The following ARHGAP6 variants were observed in gnomAD, a reference collection of about 807,000 sequenced individuals.
ARHGAP6 encodes Rho GTPase activating protein 6, also known as rho GTPase-activating protein 6.
Under a neutral mutation model 55.7 loss-of-function variants are expected in ARHGAP6, and 16 were observed. The ratio of observed to expected loss-of-function variants is 0.29; its 90% CI spans 0.19 to 0.44. The LOEUF (loss-of-function observed/expected upper bound fraction) is 0.44. ARHGAP6 is among the 20% of genes least tolerant of loss of function. The pLI is 1.00. For synonymous variants in ARHGAP6, 382 were observed against 360.9 expected (o/e 1.06, Z -0.66); for missense variants, 698 against 808.9 (o/e 0.86, Z 1.66).
intron 1 of ARHGAP6, among the ~76,000 whole-genome samples, chrX:11,498,224 T>C (rs915253880): frequency 9.0e-6 from 1 of 111,721 alleles, no homozygotes; most frequent in Non-Finnish European, 1.9e-5. Context: ...TATGAGAATT[T>C]CCCTAGAGTA....
chrX:11,304,563 G>A (rs191253833), intron 1 of ARHGAP6, among the ~76,000 whole-genome samples: 2 of 109,580 alleles, frequency 1.8e-5, no homozygotes, highest in Admixed American at 2.0e-4. Context: ...GAGGGTAACA[G>A]GAGAGCAACA....
At chrX:11,364,955 A>C (rs1354902692) in intron 1 of ARHGAP6, among the ~76,000 whole-genome samples, 1 of 110,836 alleles carries the variant, frequency 9.0e-6, no homozygotes, top group African/African-American at 3.3e-5. Flanking sequence ...ACATGATGAC[A>C]GTTAGCTATA....
intron 1 of ARHGAP6, among the ~76,000 whole-genome samples, chrX:11,632,235 C>G (rs947638028): frequency 8.9e-6 from 1 of 112,540 alleles, no homozygotes; most frequent in Non-Finnish European, 1.9e-5. Context: ...CTAGCAAAGA[C>G]ATTAGATTAA....
intron 1 of ARHGAP6, among the ~76,000 whole-genome samples, chrX:11,529,458 A>G (rs1476237528): frequency 8.9e-6 from 1 of 112,334 alleles, no homozygotes; most frequent in East Asian, 2.8e-4. Flanking sequence ...ATTAGGTTCA[A>G]TAGATATAAA....
chrX:11,187,771 C>T (rs1371588138), intron 4 of ARHGAP6, among the ~76,000 whole-genome samples: 8 of 112,037 alleles, frequency 7.1e-5, no homozygotes, highest in East Asian at 2.8e-4. Flanking sequence ...GAGGGTCAGG[C>T]GTGGCGGCTC....
chrX:11,476,310 A>T (rs1296145966), intron 1 of ARHGAP6, among the ~76,000 whole-genome samples: 2 of 111,677 alleles, frequency 1.8e-5, no homozygotes, highest in Non-Finnish European at 3.8e-5. Flanking sequence ...TAATCAAAGC[A>T]CACAAACCAC....
intron 1 of ARHGAP6, among the ~76,000 whole-genome samples, chrX:11,498,726 T>C (rs1468796394): frequency 9.0e-6 from 1 of 111,572 alleles, no homozygotes; most frequent in East Asian, 2.8e-4. Flanking sequence ...TATCGAAGCA[T>C]CTGTGGGCAA....
At chrX:11,154,445 C>A (rs1476702048) in intron 10 of ARHGAP6, among the ~76,000 whole-genome samples, 2 of 112,487 alleles carry the variant, frequency 1.8e-5, no homozygotes, top group Non-Finnish European at 3.8e-5. Flanking sequence ...TTTACCACAG[C>A]ATTTATATGC....
At chrX:11,514,569 CT>C (rs1252723886) in intron 1 of ARHGAP6, among the ~76,000 whole-genome samples, 1 of 110,324 alleles carries the variant, frequency 9.1e-6, no homozygotes, top group African/African-American at 3.3e-5. Context: ...CAAATGTCCC[CT>C]GAGAAGACAA....
rs772459799 is a variant in ARHGAP6 at position 11,663,692 on chromosome X, C to T, written c.588+549G>A. 7.2e-5 allele frequency among the ~76,000 whole-genome samples: 8 copies of T among 111,514 alleles called. No homozygotes were observed. In the East Asian group the frequency reaches 2.2e-3, roughly 31 times the overall value. The stretch of plus-strand genomic sequence containing the variant: ...TCCTAGGTTAAACTAATACTCAGTA[C>T]CATAGATTTCTGAAATTGCCCCTTC... On this transcript the variant is annotated intron_variant, in intron 1 of 12. Transcript: ENST00000337414.
chrX:11,364,535 G>A (rs5935040), intron 1 of ARHGAP6, among the ~76,000 whole-genome samples: 6,184 of 110,310 alleles, frequency 0.056, 198 homozygotes, highest in African/African-American at 0.12. Flanking sequence ...TCCGCCACGT[G>A]ACCAAGGGTA....
At chrX:11,372,791 A>G (rs1415162790) in intron 1 of ARHGAP6, among the ~76,000 whole-genome samples, 5 of 106,660 alleles carry the variant, frequency 4.7e-5, no homozygotes, top group African/African-American at 1.7e-4. Context: ...AAAAAAAAAA[A>G]AAAAAGAAAA....
intron 1 of ARHGAP6, among the ~76,000 whole-genome samples, chrX:11,641,805 G>A (rs891769885): frequency 4.5e-5 from 5 of 111,175 alleles, no homozygotes; most frequent in South Asian, 3.8e-4. Context: ...ACAGCCTCCC[G>A]GGAAGGAAGC....
chrX:11,625,446 A>C (rs1167936557), intron 1 of ARHGAP6, among the ~76,000 whole-genome samples: 1 of 111,304 alleles, frequency 9.0e-6, no homozygotes, highest in African/African-American at 3.3e-5. Flanking sequence ...CAAGCACAGA[A>C]AAATACTTCA....
chrX:11,620,102 A>C (rs990155404), intron 1 of ARHGAP6, among the ~76,000 whole-genome samples: 4 of 112,372 alleles, frequency 3.6e-5, no homozygotes, highest in Non-Finnish European at 7.5e-5. Flanking sequence ...TCATTCAAAA[A>C]TATCTAATTT....
chrX:11,506,315 C>T (rs1368308445), intron 1 of ARHGAP6, among the ~76,000 whole-genome samples: 15 of 110,938 alleles, frequency 1.4e-4, no homozygotes, highest in African/African-American at 4.3e-4. Context: ...TAGGTATACA[C>T]GTACCATGGT....
chrX:11,233,485 G>T (rs753374671), intron 2 of ARHGAP6, among the ~76,000 whole-genome samples: 1 of 111,025 alleles, frequency 9.0e-6, no homozygotes, highest in Non-Finnish European at 1.9e-5. Flanking sequence ...AGAGATTTTC[G>T]TGATGTACTA....
At chrX:11,571,980 G>A (rs767990061) in intron 1 of ARHGAP6, among the ~76,000 whole-genome samples, 3 of 110,402 alleles carry the variant, frequency 2.7e-5, no homozygotes, top group Admixed American at 9.7e-5. Context: ...GGGACCATGA[G>A]ACAAGAAATG....
chrX:11,486,349 C>T (rs1439150805), intron 1 of ARHGAP6, among the ~76,000 whole-genome samples: 1 of 111,899 alleles, frequency 8.9e-6, no homozygotes, highest in African/African-American at 3.3e-5. Flanking sequence ...GAAACTTTAG[C>T]TCTCTACATA....
Sources: allele counts gnomAD v4.1 joint callset (sites outside exome capture counted in the v4.1 genomes callset), GRCh38; gene constraint gnomAD v4.1.1; transcripts MANE v1.5; gene names NCBI Gene and HGNC (gene_info 2026-07-23, HGNC 2026-07-21).